PDE10A: variants seen among roughly 807,000 people sequenced by gnomAD.
The protein encoded by PDE10A is cAMP and cAMP-inhibited cGMP 3',5'-cyclic phosphodiesterase 10A.
In PDE10A, 39 loss-of-function variants were observed where a neutral mutation model predicts 97.7. The ratio of observed to expected loss-of-function variants is 0.40; its 90% CI spans 0.31 to 0.52. The LOEUF (loss-of-function observed/expected upper bound fraction) is 0.52. Ranked by LOEUF, PDE10A falls within the 20% of genes least tolerant of loss-of-function variation. The pLI is 0.56. For missense variants in PDE10A, 731 were observed against 1,047.8 expected, an observed-to-expected ratio of 0.70 and a Z score of 4.17; for synonymous variants, 371 against 376.8, an observed-to-expected ratio of 0.98 and a Z score of 0.18.
At chr6:165,723,249 G>T (rs929547970) in intron 1 of PDE10A, among the ~76,000 whole-genome samples, 1 of 152,178 alleles carries the variant, frequency 6.6e-6, no homozygotes, top group African/African-American at 2.4e-5. Context: ...AATCTCACCT[G>T]GAGCAAATCA....
chr6:165,726,418 G>A (rs1352764604), intron 1 of PDE10A, among the ~76,000 whole-genome samples: 2 of 152,158 alleles, frequency 1.3e-5, no homozygotes, highest in Admixed American at 6.5e-5. Flanking sequence ...AAAATTTTAC[G>A]TTAATAAGCA....
intron 1 of PDE10A, among the ~76,000 whole-genome samples, chr6:165,984,512 G>T (rs1046363594): frequency 1.3e-5 from 2 of 152,102 alleles, no homozygotes; most frequent in Non-Finnish European, 2.9e-5. Flanking sequence ...CATAGACTTC[G>T]TCTGCTCTTA....
At chr6:165,702,941 A>T (rs1791617476) in intron 1 of PDE10A, among the ~76,000 whole-genome samples, 1 of 152,184 alleles carries the variant, frequency 6.6e-6, no homozygotes, top group South Asian at 2.1e-4. Flanking sequence ...ATGGGCGGTG[A>T]CCCACCACAG....
At chr6:165,793,629 G>A (rs1011517143) in intron 1 of PDE10A, among the ~76,000 whole-genome samples, 1 of 152,190 alleles carries the variant, frequency 6.6e-6, no homozygotes, top group Admixed American at 6.5e-5. Flanking sequence ...GCTCACACTG[G>A]CCTCTGCTGC....
intron 1 of PDE10A, among the ~76,000 whole-genome samples, chr6:165,747,949 AAAG>A (rs1209213733): frequency 6.6e-6 from 1 of 152,190 alleles, no homozygotes; most frequent in Non-Finnish European, 1.5e-5. Context: ...ACATTTCTCT[AAAG>A]AAGTTAAACT....
At chr6:165,869,652 A>C (rs1781146384) in intron 1 of PDE10A, among the ~76,000 whole-genome samples, 1 of 152,180 alleles carries the variant, frequency 6.6e-6, no homozygotes. Flanking sequence ...AATACTGAAC[A>C]AAAAGAACAA....
chr6:165,411,713 G>A (rs1787852019), intron 13 of PDE10A, among the ~76,000 whole-genome samples: 1 of 152,144 alleles, frequency 6.6e-6, no homozygotes, highest in Non-Finnish European at 1.5e-5. Flanking sequence ...GAATCATTTA[G>A]GAGTTATGAG....
Position 165,388,284 on chromosome 6 carries a change from G to A in PDE10A, c.2610+14C>T, listed in dbSNP as rs115481950. 3.2e-4 allele frequency: 513 copies of A among 1,613,172 alleles called. No individual in the cohort carries two copies. In the African/African-American group the frequency reaches 5.9e-3, roughly 18 times the overall value. ...CCCTTCAGACTAAGCGAGAGACGGC[G>A]TGCAGTGACTCACCTGGAGGATGGA... On this transcript the variant is annotated intron_variant, in intron 17 of 21. Coordinates refer to ENST00000539869, the MANE Select transcript of PDE10A (RefSeq NM_001385079.1). This position sits in a 1 kb window ranked among gnomAD's most constrained non-coding sequence, Gnocchi z 4.0.
At chr6:165,526,114 A>T (rs1354224701) in intron 2 of PDE10A, among the ~76,000 whole-genome samples, 2 of 152,170 alleles carry the variant, frequency 1.3e-5, no homozygotes, top group African/African-American at 2.4e-5. Flanking sequence ...TCCTTCCCCA[A>T]GGAGACCTCC....
intron 1 of PDE10A, among the ~76,000 whole-genome samples, chr6:165,790,211 G>T (rs553917470): frequency 6.6e-6 from 1 of 152,244 alleles, no homozygotes; most frequent in East Asian, 1.9e-4. Flanking sequence ...AGTAAGGAAG[G>T]CATCGTATTC....
Position 165,388,591 on chromosome 6 carries a change from A to G in PDE10A, c.2455-138T>C, listed in dbSNP as rs866683901. ...AGCATTCTGGCATAAAGAATCCTAT[A>G]CAAATAGAGCAAACCCTTAGGAATC... On this transcript the variant is annotated intron_variant, in intron 16 of 21. Transcript: ENST00000539869. This position sits in a 1 kb window ranked among gnomAD's most constrained non-coding sequence, Gnocchi z 4.0. The G allele has an allele frequency of 4.9e-5, 36 of 732,910 alleles. No homozygotes were observed. The Middle Eastern group carries it at 2.4e-3, about 49-fold the overall frequency. 45.4% of individuals were successfully genotyped at this position (732,910 alleles called of 1,614,324 possible).
intron 1 of PDE10A, among the ~76,000 whole-genome samples, chr6:165,714,138 C>T (rs946409996): frequency 6.6e-6 from 1 of 152,204 alleles, no homozygotes; most frequent in African/African-American, 2.4e-5. Flanking sequence ...CAGGGGTCCC[C>T]TATTGCGTAT....
chr6:165,405,235 T>A (rs1787041996), intron 13 of PDE10A, among the ~76,000 whole-genome samples: 1 of 152,184 alleles, frequency 6.6e-6, no homozygotes, highest in Non-Finnish European at 1.5e-5. Context: ...AAGGTAGGAA[T>A]ACTGACTTCT....
At chr6:165,725,391 G>A (rs1277657309) in intron 1 of PDE10A, among the ~76,000 whole-genome samples, 1 of 152,232 alleles carries the variant, frequency 6.6e-6, no homozygotes, top group East Asian at 1.9e-4. Context: ...CCTAGAGGGT[G>A]CCATGGGGCC....
At chr6:165,897,762 C>A (rs1781996887) in intron 1 of PDE10A, among the ~76,000 whole-genome samples, 1 of 151,882 alleles carries the variant, frequency 6.6e-6, no homozygotes, top group African/African-American at 2.4e-5. Context: ...CCTGTGGGTG[C>A]CTTTTCTCCC....
In PDE10A at chr6:165,388,210, A is replaced by G; in HGVS notation, c.2610+88T>C. 1 of 1,183,028 alleles carries G rather than the reference A, an allele frequency of 8.5e-7. No individual in the cohort carries two copies. Among genetic ancestry groups the G allele is most frequent in the Non-Finnish European group, 1.2e-6 (1 of 814,994 alleles). The allele number at this position is 1,183,028 out of a possible 1,614,324, so 73.3% of individuals were successfully genotyped here. A position where few individuals can be genotyped will look rare whatever the true frequency, so the allele number is the denominator to read the frequency against. ...AGTAGCTGTTGCTTTTAAGGAAGCC[A>G]TAATGATCTTCCTTTTCCACCTATG... On this transcript the variant is annotated intron_variant, in intron 17 of 21. Coordinates refer to ENST00000539869, the MANE Select transcript of PDE10A (RefSeq NM_001385079.1). This position sits in a 1 kb window ranked among gnomAD's most constrained non-coding sequence, Gnocchi z 4.0.
intron 1 of PDE10A, among the ~76,000 whole-genome samples, chr6:165,641,267 A>G (rs914844099): frequency 6.6e-6 from 1 of 152,256 alleles, no homozygotes; most frequent in East Asian, 1.9e-4. Context: ...AGACAAATAA[A>G]AATACCTAGA....
intron 16 of PDE10A, among the ~76,000 whole-genome samples, chr6:165,389,619 C>G (rs1273245930): frequency 6.6e-6 from 1 of 152,170 alleles, no homozygotes; most frequent in East Asian, 1.9e-4. Flanking sequence ...AAGGAGTCTA[C>G]TTGATAGTCA....
chr6:165,676,785 A>C (rs1790808863), intron 1 of PDE10A, among the ~76,000 whole-genome samples: 1 of 151,980 alleles, frequency 6.6e-6, no homozygotes, highest in South Asian at 2.1e-4. Flanking sequence ...ATTTTCCCTG[A>C]TGTGCTCTGG....
Sources: gnomAD v4.1 joint callset for allele counts (sites outside exome capture counted in the v4.1 genomes callset) on GRCh38, gnomAD v4.1.1 for gene constraint, Gnocchi (gnomAD v3.1) non-coding constraint, MANE v1.5 for transcripts, NCBI Gene and HGNC (gene_info 2026-07-23, HGNC 2026-07-21) for gene names.